The following XRCC4 variants were observed in gnomAD, a reference collection of about 807,000 sequenced individuals.
The protein encoded by XRCC4 is DNA repair protein XRCC4.
XRCC4 carries 28 observed loss-of-function variants against 39.1 expected under a neutral mutation model. The observed-to-expected ratio is 0.72, with a 90% confidence interval of 0.53 to 0.98. The LOEUF (loss-of-function observed/expected upper bound fraction) is 0.98. XRCC4 is among the 50% of genes least tolerant of loss of function. The probability of loss-of-function intolerance (pLI) is 0.00; values close to 1 mark genes in which losing one functional copy is unlikely to be tolerated. For missense variants in XRCC4, 350 were observed against 376.4 expected, an observed-to-expected ratio of 0.93 and a Z score of 0.58; for synonymous variants, 123 against 126.4, an observed-to-expected ratio of 0.97 and a Z score of 0.18.
In XRCC4 at chr5:83,145,497, G is replaced by A. The variant is rs557713921; in HGVS notation, c.315+34294G>A. ...TCAAACTTTGTTTCCTATGTGGTAG[G>A]TGTTAGCTGAAATTTCAGGTCAGTT... On this transcript the variant is annotated intron_variant, in intron 3 of 7. Coordinates refer to ENST00000396027, the MANE Select transcript of XRCC4 (RefSeq NM_003401.5). Among the ~76,000 whole-genome samples, 3 of 152,304 alleles carry A rather than the reference G, an allele frequency of 2.0e-5. No homozygotes were observed. In the East Asian group the frequency reaches 5.8e-4, roughly 29 times the overall value.
intron 7 of XRCC4, among the ~76,000 whole-genome samples, chr5:83,348,627 G>C (rs894976017): frequency 2.6e-5 from 4 of 152,242 alleles, no homozygotes; most frequent in Non-Finnish European, 4.4e-5. Context: ...GATGGGAGGG[G>C]CTGCCATGAA....
intron 3 of XRCC4, among the ~76,000 whole-genome samples, chr5:83,120,599 C>T: frequency 6.6e-6 from 1 of 152,214 alleles, no homozygotes; most frequent in East Asian, 1.9e-4. Context: ...TGAGATGTCT[C>T]ATTGTGTGCT....
chr5:83,166,421 A>G (rs6864479), intron 3 of XRCC4, among the ~76,000 whole-genome samples: 72,918 of 150,906 alleles, frequency 0.48, 18,435 homozygotes, highest in African/African-American at 0.62. Flanking sequence ...GGTTGAACTA[A>G]TTTACCCTCC....
chr5:83,174,832 T>G (rs1371031953), intron 3 of XRCC4, among the ~76,000 whole-genome samples: 1 of 152,212 alleles, frequency 6.6e-6, no homozygotes, highest in Non-Finnish European at 1.5e-5. Flanking sequence ...TGGCTACATA[T>G]GTAGTTAGAG....
intron 7 of XRCC4, among the ~76,000 whole-genome samples, chr5:83,339,491 G>T (rs116620862): frequency 0.015 from 2,329 of 152,096 alleles, 46 homozygotes; most frequent in African/African-American, 0.053. Context: ...GGGGTGGGGT[G>T]GGGGAGGGAT....
chr5:83,232,513 G>T (rs1016236007), intron 6 of XRCC4, among the ~76,000 whole-genome samples: 1 of 152,048 alleles, frequency 6.6e-6, no homozygotes, highest in African/African-American at 2.4e-5. Flanking sequence ...AAGAGCAGGA[G>T]CATAGCTGTC....
chr5:83,290,860 C>T (rs1203728575), intron 7 of XRCC4, among the ~76,000 whole-genome samples: 1 of 151,768 alleles, frequency 6.6e-6, no homozygotes, highest in Non-Finnish European at 1.5e-5. Flanking sequence ...CTTACTCTTC[C>T]TTAGGCATTA....
intron 6 of XRCC4, among the ~76,000 whole-genome samples, chr5:83,235,350 AAAAG>A (rs964250953): frequency 1.2e-4 from 18 of 150,834 alleles, no homozygotes; most frequent in South Asian, 2.1e-4. Flanking sequence ...AAAAAAAAAA[AAAAG>A]AAAGAAAGGA....
At chr5:83,356,042 A>C (rs1757186167), downstream of XRCC4, among the ~76,000 whole-genome samples, 1 of 152,174 alleles carries the variant, frequency 6.6e-6, no homozygotes, top group Non-Finnish European at 1.5e-5. Flanking sequence ...TTTTAAATAG[A>C]AATTTTCCTA....
At chr5:83,281,467 A>G (rs1435056629) in intron 7 of XRCC4, among the ~76,000 whole-genome samples, 2 of 151,414 alleles carry the variant, frequency 1.3e-5, no homozygotes, top group African/African-American at 2.4e-5. Context: ...TGCAGCTCAC[A>G]TATGTGTTCG....
chr5:83,237,717 G>A (rs1273589685), intron 6 of XRCC4, among the ~76,000 whole-genome samples: 3 of 151,968 alleles, frequency 2.0e-5, no homozygotes, highest in Admixed American at 2.0e-4. Context: ...CAAAATAAAA[G>A]GGTGGAATTG....
chr5:83,133,792 T>C (rs554244800), intron 3 of XRCC4, among the ~76,000 whole-genome samples: 1 of 135,536 alleles, frequency 7.4e-6, no homozygotes, highest in South Asian at 2.4e-4. Context: ...GGTGACAACA[T>C]GCAAGCAGCC....
intron 4 of XRCC4, among the ~76,000 whole-genome samples, chr5:83,199,302 G>GTA (rs1414503602): frequency 1.3e-5 from 2 of 152,100 alleles, no homozygotes; most frequent in Non-Finnish European, 2.9e-5. Flanking sequence ...ATCCTTCACG[G>GTA]TATAGTTGAA....
chr5:83,334,317 T>C (rs1023644770), intron 7 of XRCC4, among the ~76,000 whole-genome samples: 1 of 152,156 alleles, frequency 6.6e-6, no homozygotes, highest in Non-Finnish European at 1.5e-5. Flanking sequence ...CCAGGAACTG[T>C]AGTGTTATAG....
intron 3 of XRCC4, among the ~76,000 whole-genome samples, chr5:83,185,422 T>TTATA (rs67640834): frequency 0.03 from 4,422 of 146,084 alleles, 206 homozygotes; most frequent in African/African-American, 0.11. Flanking sequence ...AAAGTATGTA[T>TTATA]TATATATATA....
chr5:83,310,730 A>T (rs1408038448), intron 7 of XRCC4: 1 of 453,140 alleles, frequency 2.2e-6, no homozygotes, highest in African/African-American at 2.0e-5. Flanking sequence ...TCTGAGATGC[A>T]GGGGTTATTC....
chr5:83,162,267 C>A (rs976239645), intron 3 of XRCC4, among the ~76,000 whole-genome samples: 1 of 152,134 alleles, frequency 6.6e-6, no homozygotes, highest in Admixed American at 6.5e-5. Context: ...AATTTAAGAT[C>A]GTTTATTTTC....
In XRCC4 at chr5:83,161,203, T is replaced by A. The variant is rs373342818; in HGVS notation, c.316-34567T>A. 2.4e-4 allele frequency among the ~76,000 whole-genome samples: 37 copies of A among 151,858 alleles called. No individual in the cohort carries two copies. The South Asian group carries it at 7.7e-3, about 32-fold the overall frequency. On this transcript the variant is annotated intron_variant, in intron 3 of 7. Transcript: ENST00000396027. ...TCGGCTCACTGCAACCTCTGCCTCC[T>A]GGGTTCAAGCAATTCTCCTGCCTCA...
the XRCC4 span, among the ~76,000 whole-genome samples, chr5:83,369,593 T>C: frequency 6.6e-6 from 1 of 152,244 alleles, no homozygotes; most frequent in Non-Finnish European, 1.5e-5. Flanking sequence ...TTCTGTTTTA[T>C]GGCTGCATAG....
Sources: gnomAD v4.1 joint callset for allele counts (sites outside exome capture counted in the v4.1 genomes callset) on GRCh38, gnomAD v4.1.1 for gene constraint, MANE v1.5 for transcripts, NCBI Gene and HGNC (gene_info 2026-07-23, HGNC 2026-07-21) for gene names.